The following GRIN2B variants were observed in gnomAD, a reference collection of about 807,000 sequenced individuals.
GRIN2B encodes glutamate receptor ionotropic, NMDA 2B.
Under a neutral mutation model 114.5 loss-of-function variants are expected in GRIN2B, and 5 were observed. The observed-to-expected ratio is 0.04, with a 90% confidence interval of 0.02 to 0.09. GRIN2B has a LOEUF of 0.09. GRIN2B is among the 10% of genes least tolerant of loss of function. The pLI, the probability that GRIN2B is intolerant of heterozygous loss-of-function variation, is 1.00. For missense variants in GRIN2B, 1,108 were observed against 1,943.5 expected (o/e 0.57, Z 8.08); for synonymous variants, 787 against 745.1 (o/e 1.06, Z -0.92).
At chr12:13,850,050 T>C (rs1865533224) in intron 3 of GRIN2B, among the ~76,000 whole-genome samples, 5 of 152,132 alleles carry the variant, frequency 3.3e-5, no homozygotes. Flanking sequence ...GGAGGAACTA[T>C]GGGAGGGTGC....
At chr12:13,844,499 G>A (rs867230979) in intron 3 of GRIN2B, among the ~76,000 whole-genome samples, 3 of 152,218 alleles carry the variant, frequency 2.0e-5, no homozygotes, top group South Asian at 2.1e-4. Flanking sequence ...AAAGAATTCC[G>A]TGGCCAAATC....
At chr12:13,665,167 T>TTGTG (rs3081936) in intron 5 of GRIN2B, among the ~76,000 whole-genome samples, 16 of 149,794 alleles carry the variant, frequency 1.1e-4, no homozygotes, top group South Asian at 6.4e-4. Context: ...GTGTGTGTGT[T>TTGTG]TGTGTGTGTG....
chr12:13,616,406 C>T (rs1208139409), intron 6 of GRIN2B, 49 bp downstream of exon 6: 4 of 1,393,470 alleles, frequency 2.9e-6, no homozygotes, highest in East Asian at 4.6e-5. Flanking sequence ...ACAGGTGCAT[C>T]AAAGCTGACT....
intron 5 of GRIN2B, among the ~76,000 whole-genome samples, chr12:13,628,763 A>T (rs909618999): frequency 2.0e-5 from 3 of 152,256 alleles, no homozygotes; most frequent in South Asian, 2.1e-4. Flanking sequence ...GACATATTGC[A>T]TAAGTATAAT....
At chr12:13,795,375 G>GA (rs5796562) in intron 3 of GRIN2B, among the ~76,000 whole-genome samples, 85,250 of 147,224 alleles carry the variant, frequency 0.58, 25,087 homozygotes, top group Middle Eastern at 0.66. Context: ...ATGCAGTGGC[G>GA]AAAAAAAAAA....
chr12:13,638,574 A>G (rs1805546), intron 5 of GRIN2B, among the ~76,000 whole-genome samples: 9,845 of 152,136 alleles, frequency 0.065, 419 homozygotes, highest in East Asian at 0.18. Context: ...TCTGGTACTC[A>G]AAACACAAGA....
At chr12:13,722,583 T>C (rs918803371) in intron 4 of GRIN2B, among the ~76,000 whole-genome samples, 1 of 152,046 alleles carries the variant, frequency 6.6e-6, no homozygotes, top group Non-Finnish European at 1.5e-5. Flanking sequence ...ATTTTCTCAA[T>C]GAATTATGAG....
At chr12:13,781,924 T>C (rs1864122986) in intron 3 of GRIN2B, among the ~76,000 whole-genome samples, 1 of 152,148 alleles carries the variant, frequency 6.6e-6, no homozygotes, top group South Asian at 2.1e-4. Flanking sequence ...GGTATTTATG[T>C]AGTAAAATAT....
intron 5 of GRIN2B, among the ~76,000 whole-genome samples, chr12:13,625,553 C>G (rs549650437): frequency 3.5e-4 from 54 of 152,286 alleles, no homozygotes; most frequent in African/African-American, 1.2e-3. Flanking sequence ...CTCATTATAA[C>G]TATTACTACT....
At chr12:13,649,094 C>T (rs1459891462) in intron 5 of GRIN2B, among the ~76,000 whole-genome samples, 1 of 152,064 alleles carries the variant, frequency 6.6e-6, no homozygotes, top group Non-Finnish European at 1.5e-5. Context: ...TACCTCTGAG[C>T]TCAGCTTCCT....
rs1023219946 is a variant in GRIN2B, at chr12:13,557,804, T to A, written c.*4979A>T. ...TCCTCTTCTCTTGTATCATAACTTA[T>A]TCCCAGGAAAAGGAGTGAGATTCCT... On this transcript the variant is annotated 3_prime_UTR_variant, in exon 14 of 14. Transcript: ENST00000609686. 6.6e-5 allele frequency: 10 copies of A among 152,242 alleles called. No homozygotes were observed. Among genetic ancestry groups the A allele is most frequent in the Admixed American group, 5.9e-4 (9 of 15,284 alleles). The allele number at this position is 152,242 out of a possible 1,614,324, so 9.4% of individuals were successfully genotyped here. A position where few individuals can be genotyped will look rare whatever the true frequency, so the allele number is the denominator to read the frequency against.
rs539718703 is a variant in GRIN2B, at chr12:13,545,505, C to G, written c.*17278G>C. 6.6e-6 allele frequency: 1 copy of G among 152,128 alleles called. No individual in the cohort carries two copies. The highest frequency in any genetic ancestry group is 6.5e-5 in the Admixed American group (1 of 15,282). The allele number at this position is 152,128 out of a possible 1,614,324, so 9.4% of individuals were successfully genotyped here. On this transcript the variant is annotated 3_prime_UTR_variant, in exon 14 of 14. Coordinates refer to ENST00000609686, the MANE Select transcript of GRIN2B (RefSeq NM_000834.5). ...CAAAACATGCTCTGAAGCCACAGAC[C>G]AAATATCCCCAAAATAAGAGCTCCA...
chr12:13,931,121 A>C (rs219886), intron 2 of GRIN2B, among the ~76,000 whole-genome samples: 142,381 of 152,198 alleles, frequency 0.94, 66,915 homozygotes, highest in East Asian at 1. Context: ...GGTGGTTTGA[A>C]CAGAAAAAAT....
chr12:13,611,994 A>C, intron 8 of GRIN2B, 144 bp from the exon 9 acceptor site: 1 of 784,672 alleles, frequency 1.3e-6, no homozygotes, highest in South Asian at 1.4e-5. Context: ...GGCCTAGGTT[A>C]GATTGTACTG....
intron 3 of GRIN2B, among the ~76,000 whole-genome samples, chr12:13,828,277 A>G (rs1435585960): frequency 2.6e-5 from 4 of 152,148 alleles, no homozygotes; most frequent in African/African-American, 7.2e-5. Flanking sequence ...TGAGATCTCT[A>G]TTAAGTCTCA....
intron 3 of GRIN2B, among the ~76,000 whole-genome samples, chr12:13,770,979 C>G (rs1207724257): frequency 6.6e-6 from 1 of 152,206 alleles, no homozygotes; most frequent in Non-Finnish European, 1.5e-5. Flanking sequence ...CACCACTTCA[C>G]AATGGCTCCT....
chr12:13,827,829 A>C (rs1039996201), intron 3 of GRIN2B, among the ~76,000 whole-genome samples: 1 of 151,964 alleles, frequency 6.6e-6, no homozygotes, highest in East Asian at 1.9e-4. Flanking sequence ...CTACAGGCGC[A>C]TGCCACCACT....
chr12:13,855,147 G>A (rs182643872), intron 3 of GRIN2B, among the ~76,000 whole-genome samples: 78 of 151,984 alleles, frequency 5.1e-4, no homozygotes, highest in East Asian at 2.3e-3. Context: ...GAACCTGGGA[G>A]GCAAAGGCTT....
intron 2 of GRIN2B, among the ~76,000 whole-genome samples, chr12:13,956,312 C>T (rs1419673286): frequency 6.6e-6 from 1 of 152,214 alleles, no homozygotes; most frequent in Non-Finnish European, 1.5e-5. Context: ...AAAACAAGGA[C>T]TTCATTCTGC....
Sources: gnomAD v4.1 joint callset for allele counts (sites outside exome capture counted in the v4.1 genomes callset) on GRCh38, gnomAD v4.1.1 for gene constraint, MANE v1.5 for transcripts, NCBI Gene and HGNC (gene_info 2026-07-23, HGNC 2026-07-21) for gene names.